Variants in SUN1 observed in about 807,000 individuals in gnomAD.
The protein encoded by SUN1 is SUN domain-containing protein 1.
In SUN1, 61 loss-of-function variants were observed where a neutral mutation model predicts 103.2. That is an observed-to-expected ratio of 0.59 (90% confidence interval 0.48 to 0.73). SUN1 has a LOEUF of 0.73. Among genes scored for constraint, SUN1 ranks in the 30% least tolerant of loss-of-function variants. The probability of loss-of-function intolerance (pLI) is 0.00; values close to 1 mark genes in which losing one functional copy is unlikely to be tolerated. For synonymous variants in SUN1, 490 were observed against 425.7 expected (o/e 1.15, Z -1.86); for missense variants, 1,052 against 1,034.6 (o/e 1.02, Z -0.23).
At chr7:833,304 T>TG (rs1799647759) in intron 1 of SUN1, 1 of 34,034 alleles carries the variant, frequency 2.9e-5, no homozygotes, top group South Asian at 1.7e-3. Context: ...CAGTGGCTTA[T>TG]CCTTTTTTTT....
intron 1 of SUN1, among the ~76,000 whole-genome samples, chr7:836,063 G>T (rs918754706): frequency 2.0e-5 from 3 of 152,260 alleles, no homozygotes; most frequent in Non-Finnish European, 2.9e-5. Context: ...GGCAAGGAGC[G>T]AGCCGAAACT....
intron 17 of SUN1, among the ~76,000 whole-genome samples, chr7:869,818 G>A (rs7783683): frequency 0.62 from 94,053 of 151,918 alleles, 29,456 homozygotes; most frequent in East Asian, 0.8. Context: ...ACTGGATGAC[G>A]TGGGAGCAGC....
At chr7:817,695 T>G (rs1387840942) in intron 1 of SUN1, among the ~76,000 whole-genome samples, 1 of 152,250 alleles carries the variant, frequency 6.6e-6, no homozygotes, top group Non-Finnish European at 1.5e-5. Context: ...TTTTACTCCC[T>G]ACATCTCCAC....
At chr7:846,705 A>G (rs571354364) in intron 5 of SUN1, among the ~76,000 whole-genome samples, 48 of 151,586 alleles carry the variant, frequency 3.2e-4, no homozygotes, top group Non-Finnish European at 6.6e-4. Flanking sequence ...GCAAGACCCC[A>G]TCTCTAAAAA....
Position 853,622 on chromosome 7 carries a change from G to C in SUN1, c.1263+4G>C, listed in dbSNP as rs752485716. 8.1e-5 allele frequency: 129 copies of C among 1,599,164 alleles called. No individual in the cohort carries two copies. The highest frequency in any genetic ancestry group is 1.1e-4 in the Non-Finnish European group (124 of 1,179,578). ...TGTGGGACAGCCCCCGAGGGAGGTG[G>C]GTGCTGCCGGGCTACCAGGCTCCAT... is the stretch of plus-strand genomic sequence containing the variant. On this transcript the variant is annotated splice_donor_region_variant and intron_variant, in intron 10 of 18. Coordinates refer to ENST00000401592, the MANE Select transcript of SUN1 (RefSeq NM_001130965.3).
At chr7:863,345 C>T (rs982677728) in intron 15 of SUN1, among the ~76,000 whole-genome samples, 1 of 152,178 alleles carries the variant, frequency 6.6e-6, no homozygotes, top group African/African-American at 2.4e-5. Context: ...GAGTGCCGCC[C>T]TCCCGAGCTC....
At chr7:833,984 T>G (rs953711930) in intron 1 of SUN1, among the ~76,000 whole-genome samples, 1 of 152,202 alleles carries the variant, frequency 6.6e-6, no homozygotes, top group African/African-American at 2.4e-5. Context: ...TTCACAGCCT[T>G]CCTTCAGTGA....
chr7:852,255 G>GGT (rs1822918254), intron 7 of SUN1: 1 of 619,104 alleles, frequency 1.6e-6, no homozygotes, highest in Non-Finnish European at 2.8e-6. Context: ...AATGTGCAGA[G>GGT]GTGAGGCAGC....
intron 13 of SUN1, 112 bp from the exon 14 acceptor site, chr7:860,016 C>G (rs940475004): frequency 7.5e-6 from 10 of 1,341,960 alleles, no homozygotes; most frequent in Non-Finnish European, 9.1e-6. Flanking sequence ...CAATGACATT[C>G]TAGATTTTGA....
At chr7:835,061 G>A (rs928044421) in intron 1 of SUN1, among the ~76,000 whole-genome samples, 3 of 152,220 alleles carry the variant, frequency 2.0e-5, no homozygotes, top group African/African-American at 7.2e-5. Context: ...GGGAGACGGT[G>A]TGAGGCTCTG....
At chr7:824,333 G>C (rs753844315) in intron 1 of SUN1, among the ~76,000 whole-genome samples, 1 of 152,234 alleles carries the variant, frequency 6.6e-6, no homozygotes, top group Non-Finnish European at 1.5e-5. Context: ...GGAGGATGCT[G>C]AGTGTGGCTG....
intron 1 of SUN1, chr7:817,336 G>T: frequency 2.3e-6 from 3 of 1,310,402 alleles, no homozygotes; most frequent in Non-Finnish European, 3.2e-6. Context: ...CGATCCCCTC[G>T]CCCCAGCCTG....
At chr7:845,447 C>T (rs939552956) in intron 5 of SUN1, among the ~76,000 whole-genome samples, 1 of 152,088 alleles carries the variant, frequency 6.6e-6, no homozygotes, top group African/African-American at 2.4e-5. Flanking sequence ...ACTAGTGTAT[C>T]GCCCTGTATT....
At chr7:826,530 G>A (rs186910403) in intron 1 of SUN1, among the ~76,000 whole-genome samples, 1 of 152,198 alleles carries the variant, frequency 6.6e-6, no homozygotes, top group African/African-American at 2.4e-5. Context: ...GTGGACGTGG[G>A]GCTTGTGGCA....
At chr7:866,294 G>T (rs930036015) in intron 16 of SUN1, among the ~76,000 whole-genome samples, 1 of 152,184 alleles carries the variant, frequency 6.6e-6, no homozygotes, top group Non-Finnish European at 1.5e-5. Flanking sequence ...AGATGGGACC[G>T]TGTGGCACAT....
At chr7:824,720 T>A (rs918482926) in intron 1 of SUN1, among the ~76,000 whole-genome samples, 4 of 152,196 alleles carry the variant, frequency 2.6e-5, no homozygotes, top group African/African-American at 9.7e-5. Context: ...TCAGGCTAGA[T>A]GGGCTTGCTT....
At chr7:850,881 G>C (rs369847605) in intron 5 of SUN1, 1 of 152,190 alleles carries the variant, frequency 6.6e-6, no homozygotes, top group Admixed American at 6.5e-5. Flanking sequence ...TCCGTCATCC[G>C]GCAGTGCTGT....
intron 1 of SUN1, among the ~76,000 whole-genome samples, chr7:837,357 A>C (rs1224528548): frequency 6.6e-6 from 1 of 152,194 alleles, no homozygotes; most frequent in African/African-American, 2.4e-5. Flanking sequence ...CCCTGAGCTG[A>C]GTTAACCTCG....
chr7:816,827 C>A (rs970358817), intron 1 of SUN1: 1 of 148,548 alleles, frequency 6.7e-6, no homozygotes, highest in Non-Finnish European at 1.5e-5. Context: ...CAACGGCTGC[C>A]GCCCCCGCCC....
Sources: allele counts gnomAD v4.1 joint callset (sites outside exome capture counted in the v4.1 genomes callset), GRCh38; gene constraint gnomAD v4.1.1; transcripts MANE v1.5; gene names NCBI Gene and HGNC (gene_info 2026-07-23, HGNC 2026-07-21).